Variants in DYNC2H1 observed in about 807,000 individuals in gnomAD.
DYNC2H1 encodes the protein dynein cytoplasmic 2 heavy chain 1, also known as cytoplasmic dynein 2 heavy chain 1.
A neutral mutation model predicts 570.0 loss-of-function variants in DYNC2H1; 410 were observed. The observed-to-expected ratio is 0.72, with a 90% CI of 0.66 to 0.78. DYNC2H1 has a LOEUF of 0.78. Among genes scored for constraint, DYNC2H1 ranks in the 30% least tolerant of loss-of-function variants. The probability of loss-of-function intolerance (pLI) is 0.00; values close to 1 mark genes in which losing one functional copy is unlikely to be tolerated. For synonymous variants in DYNC2H1, 1,688 were observed against 1,677.6 expected (o/e 1.01, Z -0.15); for missense variants, 4,865 against 5,046.4 (o/e 0.96, Z 1.09).
intron 59 of DYNC2H1, among the ~76,000 whole-genome samples, chr11:103,226,024 G>C (rs1300842789): frequency 6.6e-6 from 1 of 151,610 alleles, no homozygotes. Flanking sequence ...GGTTGCAGTT[G>C]GTGTATAGCA....
intron 63 of DYNC2H1, among the ~76,000 whole-genome samples, chr11:103,238,863 CAG>C (rs780848606): frequency 1.3e-5 from 2 of 152,136 alleles, no homozygotes; most frequent in Admixed American, 6.6e-5. Context: ...ATTTGAGAGA[CAG>C]GGAAAAATTT....
chr11:103,162,204 G>T (rs1861121481), intron 29 of DYNC2H1, among the ~76,000 whole-genome samples: 2 of 121,172 alleles, frequency 1.7e-5, no homozygotes, highest in South Asian at 5.8e-4. Context: ...TGTGTCTGTT[G>T]CCATGCACTG....
At chr11:103,221,005 G>A (rs1370798065) in intron 57 of DYNC2H1, among the ~76,000 whole-genome samples, 1 of 151,856 alleles carries the variant, frequency 6.6e-6, no homozygotes, top group East Asian at 1.9e-4. Context: ...GAGGAGAAAA[G>A]GAATACCTTA....
chr11:103,156,523 G>A lies in DYNC2H1; in HGVS notation c.3880G>A (p.Asp1294Asn). 6.2e-7 allele frequency: 1 copy of A among 1,613,744 alleles called. No individual in the cohort carries two copies. The highest frequency in any genetic ancestry group is 8.5e-7 in the Non-Finnish European group (1 of 1,179,756). ...AAGTCGAACTATGAAGCTGATTAAA[G>A]ACTGGAAAGATATAGTAAATCAGGT... Reference protein sequence around the residue: ...SQSRTMKLIKDWKDIVNQVGD... With the variant: ...SQSRTMKLIKNWKDIVNQVGD... Residue 1294 changes from aspartate (D) to asparagine (N), a missense_variant, in exon 26 of 89, where the codon GAC becomes AAC. Asp to Asn is a conservative substitution (Grantham distance 23). Transcript: ENST00000375735.
intron 61 of DYNC2H1, among the ~76,000 whole-genome samples, 158 bp downstream of exon 61, chr11:103,234,318 TA>T (rs1178132430): frequency 3.3e-5 from 5 of 152,012 alleles, no homozygotes; most frequent in African/African-American, 1.2e-4. Flanking sequence ...AATTACTCTT[TA>T]AACAAAGCGT....
At chr11:103,440,491 C>CCAAA (rs1944228835) in intron 85 of DYNC2H1, among the ~76,000 whole-genome samples, 6 of 152,264 alleles carry the variant, frequency 3.9e-5, no homozygotes, top group Middle Eastern at 3.4e-3. Context: ...TGCCACCCTT[C>CCAAA]ATTCTTATGA....
intron 54 of DYNC2H1, among the ~76,000 whole-genome samples, 182 bp downstream of exon 54, chr11:103,212,125 A>G (rs1379744322): frequency 6.6e-6 from 1 of 151,822 alleles, no homozygotes. Flanking sequence ...GATGATTTGT[A>G]TTTTTTTTAA....
Position 103,141,647 on chromosome 11 carries a change from G to T in DYNC2H1, c.2575-1621G>T, listed in dbSNP as rs574091881. ...TGCCTCCCAGTTAGGCTGCTCAGGG[G>T]TCAGGGGTCAGGGGTCAGGGACCCA... On this transcript the variant is annotated intron_variant, in intron 17 of 88. Transcript: ENST00000375735. Among the ~76,000 whole-genome samples, 275 of 152,274 alleles carry T rather than the reference G, an allele frequency of 1.8e-3. 3 individuals are homozygous for T. The highest frequency in any genetic ancestry group is 9.7e-4 in the East Asian group (5 of 5,178).
intron 87 of DYNC2H1, among the ~76,000 whole-genome samples, chr11:103,464,614 C>G (rs1224182391): frequency 6.6e-6 from 1 of 152,116 alleles, no homozygotes; most frequent in Non-Finnish European, 1.5e-5. Context: ...ACCATGTTGA[C>G]AGCGGACTTC....
chr11:103,184,863 T>C (rs1862002600), intron 40 of DYNC2H1, 33 bp from the exon 41 acceptor site: 1 of 1,607,766 alleles, frequency 6.2e-7, no homozygotes, highest in African/African-American at 1.3e-5. Flanking sequence ...TAGTTGCCTT[T>C]TGTCTGTTTG....
At chr11:103,200,727 T>C (rs1442512739) in intron 50 of DYNC2H1, among the ~76,000 whole-genome samples, 1 of 152,236 alleles carries the variant, frequency 6.6e-6, no homozygotes, top group Admixed American at 6.5e-5. Context: ...TTCATGTGTC[T>C]GGAATATAGT....
chr11:103,219,258 A>G lies in DYNC2H1; in HGVS notation c.8833-657A>G, dbSNP rs1394681402. 2.0e-5 allele frequency among the ~76,000 whole-genome samples: 3 copies of G among 152,240 alleles called. No individual in the cohort carries two copies. In the South Asian group the frequency reaches 6.2e-4, roughly 32 times the overall value. On this transcript the variant is annotated intron_variant, in intron 55 of 88. Transcript: ENST00000375735. Reference sequence around the variant, plus strand: ...AAAAAAAACTCAGAATGACAAATATATACAAAGATGTTCAACCTCATCAAT... The same window carrying G: ...AAAAAAAACTCAGAATGACAAATATGTACAAAGATGTTCAACCTCATCAAT...
chr11:103,357,744 G>A (rs1272962028), intron 82 of DYNC2H1, among the ~76,000 whole-genome samples: 1 of 152,194 alleles, frequency 6.6e-6, no homozygotes, highest in Non-Finnish European at 1.5e-5. Context: ...CTTGAGCCCA[G>A]GAGTTCAAGA....
At chr11:103,140,017 A>T (rs1210493164) in intron 17 of DYNC2H1, among the ~76,000 whole-genome samples, 1 of 151,990 alleles carries the variant, frequency 6.6e-6, no homozygotes, top group Non-Finnish European at 1.5e-5. Flanking sequence ...AGTCTGTTTT[A>T]TCAGAGACTA....
Position 103,268,892 on chromosome 11 carries a change from G to A in DYNC2H1, c.10695+8915G>A, listed in dbSNP as rs868492031. On this transcript the variant is annotated intron_variant, in intron 70 of 88. Transcript: ENST00000375735. The surrounding 1 kb of genome is among the most constrained non-coding windows in gnomAD (Gnocchi z 4.6). Reference sequence around the variant, plus strand: ...TCGTTAGTAATACAGTATATTCACTGATGAAATTTGAACCCCTGTGTCATA... The same window carrying A: ...TCGTTAGTAATACAGTATATTCACTAATGAAATTTGAACCCCTGTGTCATA... 2.0e-5 allele frequency among the ~76,000 whole-genome samples: 3 copies of A among 152,092 alleles called. No individual in the cohort carries two copies. Among genetic ancestry groups the A allele is most frequent in the Middle Eastern group, 3.4e-3 (1 of 294 alleles).
intron 68 of DYNC2H1, among the ~76,000 whole-genome samples, chr11:103,257,016 C>T (rs902937556): frequency 6.6e-6 from 1 of 152,130 alleles, no homozygotes. Flanking sequence ...TTGCTATAGT[C>T]TGAATATTTG....
At chr11:103,458,115 C>T (rs184319128) in intron 87 of DYNC2H1, among the ~76,000 whole-genome samples, 223 of 152,294 alleles carry the variant, frequency 1.5e-3, no homozygotes, top group Non-Finnish European at 2.7e-3. Context: ...CACTGACTCA[C>T]CCAGAGCAAC....
chr11:103,277,845 T>C lies in DYNC2H1; in HGVS notation c.10696-2503T>C, dbSNP rs1865973993. On this transcript the variant is annotated intron_variant, in intron 70 of 88. Coordinates refer to ENST00000375735, the MANE Select transcript of DYNC2H1 (RefSeq NM_001377.3). The surrounding 1 kb of genome is among the most constrained non-coding windows in gnomAD (Gnocchi z 4.3). ...TTAATTTTTTCAGAGGACGCTTTTCTTTTCCCCAGATTCCAGGTATATTTG... is the reference window on the plus strand; with the variant it reads ...TTAATTTTTTCAGAGGACGCTTTTCCTTTCCCCAGATTCCAGGTATATTTG... 6.6e-6 allele frequency among the ~76,000 whole-genome samples: 1 copy of C among 152,224 alleles called. No individual in the cohort carries two copies. The highest frequency in any genetic ancestry group is 2.4e-5 in the African/African-American group (1 of 41,462).
At chr11:103,353,702 C>G (rs2671340) in intron 82 of DYNC2H1, among the ~76,000 whole-genome samples, 321 of 151,836 alleles carry the variant, frequency 2.1e-3, no homozygotes, top group African/African-American at 7.3e-3. Context: ...CATTCTATTA[C>G]CTTTTAACTT....
Sources: allele counts gnomAD v4.1 joint callset (sites outside exome capture counted in the v4.1 genomes callset), GRCh38; gene constraint gnomAD v4.1.1; non-coding constraint Gnocchi (gnomAD v3.1); transcripts MANE v1.5; gene names NCBI Gene and HGNC (gene_info 2026-07-23, HGNC 2026-07-21).